Variants in PLCL2 observed in about 807,000 individuals in gnomAD.
The protein encoded by PLCL2 is phospholipase C like 2, also known as inactive phospholipase C-like protein 2.
PLCL2 carries 4 observed loss-of-function variants against 79.6 expected under a neutral mutation model. That is an observed-to-expected ratio of 0.05 (90% confidence interval 0.02 to 0.11). The LOEUF is 0.11. Ranked by LOEUF, PLCL2 falls within the 10% of genes least tolerant of loss-of-function variation. The pLI is 1.00. For synonymous variants in PLCL2, 484 were observed against 457.7 expected (o/e 1.06, Z -0.73); for missense variants, 895 against 1,291.0 (o/e 0.69, Z 4.70).
intron 3 of PLCL2, among the ~76,000 whole-genome samples, chr3:17,040,806 A>G (rs1405847412): frequency 2.6e-5 from 4 of 152,158 alleles, no homozygotes; most frequent in African/African-American, 7.2e-5. Flanking sequence ...CACTCCCAAG[A>G]TGAGTTTCTC....
chr3:16,949,939 T>G (rs1379872206), intron 1 of PLCL2, among the ~76,000 whole-genome samples: 1 of 152,224 alleles, frequency 6.6e-6, no homozygotes, highest in Non-Finnish European at 1.5e-5. Context: ...CCACCTTTCT[T>G]ATATTTTGAA....
intron 1 of PLCL2, among the ~76,000 whole-genome samples, chr3:16,997,148 T>C (rs1460545743): frequency 6.6e-6 from 1 of 152,236 alleles, no homozygotes; most frequent in African/African-American, 2.4e-5. Context: ...ATCATTGGCT[T>C]TATTAAGATG....
chr3:16,898,504 G>T (rs1696537898), intron 1 of PLCL2, among the ~76,000 whole-genome samples: 1 of 152,140 alleles, frequency 6.6e-6, no homozygotes, highest in South Asian at 2.1e-4. Context: ...CTACCCGGAG[G>T]GGTCTGGAAG....
chr3:16,955,345 T>C (rs1228995597), intron 1 of PLCL2, among the ~76,000 whole-genome samples: 1 of 152,144 alleles, frequency 6.6e-6, no homozygotes, highest in Non-Finnish European at 1.5e-5. Context: ...TGTAGATGTG[T>C]GGTATTATTT....
chr3:17,084,672 A>G (rs922185387), intron 5 of PLCL2, among the ~76,000 whole-genome samples: 8 of 152,358 alleles, frequency 5.3e-5, no homozygotes, highest in Middle Eastern at 3.4e-3. Context: ...GCTAAAGAAG[A>G]CAAAGCTCGT....
intron 1 of PLCL2, among the ~76,000 whole-genome samples, chr3:16,903,777 T>C (rs1027649980): frequency 6.6e-6 from 1 of 152,204 alleles, no homozygotes; most frequent in African/African-American, 2.4e-5. Flanking sequence ...GTTGGTTTTG[T>C]GGCTGAGTGT....
At chr3:16,927,361 A>T (rs368819876) in intron 1 of PLCL2, among the ~76,000 whole-genome samples, 1 of 152,382 alleles carries the variant, frequency 6.6e-6, no homozygotes, top group East Asian at 1.9e-4. Flanking sequence ...ACAAAAAAAA[A>T]TGAAATAAAC....
chr3:17,057,709 T>C (rs1031044206), intron 4 of PLCL2, among the ~76,000 whole-genome samples: 3 of 152,236 alleles, frequency 2.0e-5, no homozygotes, highest in Admixed American at 6.5e-5. Context: ...AATTTACTTA[T>C]GCCCATCACT....
At chr3:16,936,271 C>A (rs779318846) in intron 1 of PLCL2, among the ~76,000 whole-genome samples, 1 of 152,130 alleles carries the variant, frequency 6.6e-6, no homozygotes, top group Non-Finnish European at 1.5e-5. Flanking sequence ...CTGGAGTTGC[C>A]TAAATTGTTT....
At chr3:16,931,111 T>A (rs562089027) in intron 1 of PLCL2, among the ~76,000 whole-genome samples, 8 of 151,754 alleles carry the variant, frequency 5.3e-5, no homozygotes, top group African/African-American at 9.7e-5. Context: ...TCTCTGAACC[T>A]CCTTCCCAGG....
intron 1 of PLCL2, among the ~76,000 whole-genome samples, chr3:16,953,970 C>T (rs1021767742): frequency 6.6e-6 from 1 of 152,020 alleles, no homozygotes; most frequent in African/African-American, 2.4e-5. Context: ...CTGTTTCACA[C>T]AATATTAAGA....
rs35902619 is a variant in PLCL2 at position 17,021,595 on chromosome 3, T to TACACACACAC, written c.3018+6711_3018+6720dup. Among the ~76,000 whole-genome samples the TACACACACAC allele has an allele frequency of 1.9e-4, 28 of 146,598 alleles. No homozygotes were observed. In the South Asian group the frequency reaches 3.3e-3, roughly 17 times the overall value. ...GGAACACATATTCTTAAAGTATTCT[T>TACACACACAC]ACACACACACACACACACACACACA... On this transcript the variant is annotated intron_variant, in intron 3 of 5. Transcript: ENST00000615277.
chr3:16,979,001 G>A (rs1559505959), intron 1 of PLCL2, among the ~76,000 whole-genome samples: 1 of 152,252 alleles, frequency 6.6e-6, no homozygotes, highest in East Asian at 1.9e-4. Flanking sequence ...CTTCTTTTTG[G>A]AATATTTACT....
At chr3:17,047,429 G>A (rs991257452) in intron 4 of PLCL2, among the ~76,000 whole-genome samples, 1 of 151,992 alleles carries the variant, frequency 6.6e-6, no homozygotes, top group African/African-American at 2.4e-5. Flanking sequence ...TTAGGAGGGA[G>A]GATCAAACTA....
chr3:16,945,018 C>G (rs1312172209), intron 1 of PLCL2, among the ~76,000 whole-genome samples: 7 of 152,162 alleles, frequency 4.6e-5, no homozygotes, highest in African/African-American at 7.2e-5. Flanking sequence ...CCTGGGCCTC[C>G]CAGAGTGCTG....
intron 5 of PLCL2, among the ~76,000 whole-genome samples, chr3:17,077,832 AT>A (rs998588447): frequency 6.6e-6 from 1 of 152,190 alleles, no homozygotes; most frequent in African/African-American, 2.4e-5. Context: ...GTCCAGCCTC[AT>A]GACAATAGCA....
At chr3:17,077,644 A>G (rs371359174) in intron 5 of PLCL2, among the ~76,000 whole-genome samples, 1 of 152,164 alleles carries the variant, frequency 6.6e-6, no homozygotes, top group East Asian at 1.9e-4. Flanking sequence ...ATTGATTGCC[A>G]TTCCTAAAAT....
At chr3:17,067,398 G>A (rs1227412570) in intron 4 of PLCL2, among the ~76,000 whole-genome samples, 2 of 152,192 alleles carry the variant, frequency 1.3e-5, no homozygotes, top group Non-Finnish European at 2.9e-5. Flanking sequence ...CAGCAGTAGG[G>A]ATTATTTATT....
At chr3:17,086,083 C>T (rs1246873889) in intron 5 of PLCL2, among the ~76,000 whole-genome samples, 2 of 152,128 alleles carry the variant, frequency 1.3e-5, no homozygotes. Context: ...TGGAAATTGA[C>T]AAACCGATTC....
Sources: allele counts gnomAD v4.1 joint callset (sites outside exome capture counted in the v4.1 genomes callset), GRCh38; gene constraint gnomAD v4.1.1; transcripts MANE v1.5; gene names NCBI Gene and HGNC (gene_info 2026-07-23, HGNC 2026-07-21).